Variants in MACROD2 observed in about 807,000 individuals in gnomAD.
The protein encoded by MACROD2 is mono-ADP ribosylhydrolase 2, also known as ADP-ribose glycohydrolase MACROD2.
Under a neutral mutation model 70.4 loss-of-function variants are expected in MACROD2, and 36 were observed. That is an observed-to-expected ratio of 0.51 (90% confidence interval 0.39 to 0.68). MACROD2 has a LOEUF of 0.68. Among genes scored for constraint, MACROD2 ranks in the 30% least tolerant of loss-of-function variants. The pLI is 0.00. For synonymous variants in MACROD2, 172 were observed against 178.8 expected (o/e 0.96, Z 0.30); for missense variants, 496 against 538.4 (o/e 0.92, Z 0.78).
At chr20:15,256,473 A>C (rs1299378123) in intron 6 of MACROD2, among the ~76,000 whole-genome samples, 1 of 152,016 alleles carries the variant, frequency 6.6e-6, no homozygotes, top group Non-Finnish European at 1.5e-5. Context: ...ATTAGTACCT[A>C]AAATAAAGTG....
At chr20:14,209,057 G>T (rs1276535040) in intron 3 of MACROD2, among the ~76,000 whole-genome samples, 3 of 152,204 alleles carry the variant, frequency 2.0e-5, no homozygotes, top group Non-Finnish European at 2.9e-5. Flanking sequence ...ATTGAGTAAG[G>T]ATTATATAGC....
At chr20:14,171,168 A>G (rs776791524) in intron 3 of MACROD2, among the ~76,000 whole-genome samples, 46 of 151,820 alleles carry the variant, frequency 3.0e-4, no homozygotes, top group Non-Finnish European at 5.7e-4. Flanking sequence ...CTTTTTTTGT[A>G]TTTCTGTGGT....
chr20:14,332,794 C>G (rs2082868750), intron 3 of MACROD2, among the ~76,000 whole-genome samples: 1 of 151,994 alleles, frequency 6.6e-6, no homozygotes, highest in South Asian at 2.1e-4. Context: ...GTGAATATTT[C>G]TAGGTAAACT....
chr20:15,254,999 TC>T (rs2077187276), intron 6 of MACROD2, among the ~76,000 whole-genome samples: 1 of 149,728 alleles, frequency 6.7e-6, no homozygotes, highest in South Asian at 2.1e-4. Context: ...TAGTGGTACT[TC>T]AGTTAACTGG....
In MACROD2 at chr20:15,142,903, G is replaced by T. The variant is rs566106128; in HGVS notation, c.419-87037G>T. ...ATATGTGCCACATTTTCTTAATCCA[G>T]TCTATCATTGATGGCCATTTGGGTT... On this transcript the variant is annotated intron_variant, in intron 5 of 17. Coordinates refer to ENST00000684519, the MANE Select transcript of MACROD2 (RefSeq NM_001351661.2). 1.1e-4 allele frequency among the ~76,000 whole-genome samples: 17 copies of T among 152,208 alleles called. No individual in the cohort carries two copies. In the South Asian group the frequency reaches 3.5e-3, roughly 32 times the overall value.
intron 4 of MACROD2, among the ~76,000 whole-genome samples, chr20:14,498,378 ATC>A (rs2084879413): frequency 6.6e-6 from 1 of 152,254 alleles, no homozygotes; most frequent in Non-Finnish European, 1.5e-5. Context: ...CACACCCATC[ATC>A]TGTTTCTAAA....
At chr20:14,285,723 T>G (rs2082338469) in intron 3 of MACROD2, among the ~76,000 whole-genome samples, 1 of 152,162 alleles carries the variant, frequency 6.6e-6, no homozygotes, top group Non-Finnish European at 1.5e-5. Context: ...GATAACTTTA[T>G]TAACCCACCA....
At chr20:15,551,359 C>T (rs976803634) in intron 8 of MACROD2, among the ~76,000 whole-genome samples, 2 of 150,772 alleles carry the variant, frequency 1.3e-5, no homozygotes, top group African/African-American at 4.9e-5. Context: ...AAAACTACAT[C>T]TCTTGTCTTT....
intron 4 of MACROD2, among the ~76,000 whole-genome samples, chr20:14,643,438 TG>T (rs1985201084): frequency 6.6e-6 from 1 of 152,214 alleles, no homozygotes; most frequent in African/African-American, 2.4e-5. Flanking sequence ...CTGGCATTTT[TG>T]TTTACTAGTG....
chr20:15,120,292 GT>G (rs1283830429), intron 5 of MACROD2, among the ~76,000 whole-genome samples: 5 of 152,010 alleles, frequency 3.3e-5, no homozygotes, highest in Non-Finnish European at 5.9e-5. Context: ...ATTCATGCAT[GT>G]GTGCATGTCT....
intron 6 of MACROD2, among the ~76,000 whole-genome samples, chr20:15,263,789 T>TA (rs2077269307): frequency 6.6e-6 from 1 of 152,130 alleles, no homozygotes; most frequent in African/African-American, 2.4e-5. Context: ...ATTTTACTCA[T>TA]GGCTATTAAA....
intron 12 of MACROD2, among the ~76,000 whole-genome samples, chr20:15,942,611 A>G (rs995690384): frequency 1.3e-5 from 2 of 152,220 alleles, no homozygotes; most frequent in Non-Finnish European, 2.9e-5. Flanking sequence ...TAAGTTAACA[A>G]ATATACAAGC....
chr20:14,549,524 G>C (rs1454996078), intron 4 of MACROD2, among the ~76,000 whole-genome samples: 1 of 151,572 alleles, frequency 6.6e-6, no homozygotes, highest in Non-Finnish European at 1.5e-5. Flanking sequence ...GATTATTTTA[G>C]TAATTTTTAT....
intron 8 of MACROD2, among the ~76,000 whole-genome samples, chr20:15,636,093 G>GAAAAAAAAAAAAAAA (rs2049362741): frequency 1.5e-5 from 1 of 64,890 alleles, no homozygotes. Context: ...AAAAAAAAAA[G>GAAAAAAAAAAAAAAA]AAAGAAAAGA....
At chr20:14,727,338 C>T (rs1210416373) in intron 5 of MACROD2, among the ~76,000 whole-genome samples, 6 of 152,044 alleles carry the variant, frequency 3.9e-5, no homozygotes, top group Non-Finnish European at 7.4e-5. Context: ...CAACACCAGC[C>T]TGGGCAACAT....
intron 5 of MACROD2, among the ~76,000 whole-genome samples, chr20:15,050,798 GA>G (rs34982987): frequency 0.16 from 22,718 of 141,238 alleles, 1,806 homozygotes; most frequent in Non-Finnish European, 0.17. Flanking sequence ...GAAGGTATGT[GA>G]AAAAAAAAAA....
chr20:14,146,123 C>T (rs2054939476), intron 3 of MACROD2, among the ~76,000 whole-genome samples: 2 of 152,228 alleles, frequency 1.3e-5, no homozygotes, highest in Non-Finnish European at 1.5e-5. Flanking sequence ...AAGATCGAGA[C>T]CATCCTGGCT....
At chr20:15,503,551 C>T (rs746441968) in intron 8 of MACROD2, among the ~76,000 whole-genome samples, 2 of 152,116 alleles carry the variant, frequency 1.3e-5, no homozygotes, top group Non-Finnish European at 2.9e-5. Context: ...ATCCAAGGGC[C>T]GGAACTAGAG....
intron 5 of MACROD2, among the ~76,000 whole-genome samples, chr20:14,853,595 T>A (rs765372684): frequency 7.2e-5 from 11 of 152,030 alleles, no homozygotes; most frequent in Non-Finnish European, 1.3e-4. Flanking sequence ...TAGGTCACCT[T>A]TCGGTTTCAG....
Sources: allele counts gnomAD v4.1 joint callset (sites outside exome capture counted in the v4.1 genomes callset), GRCh38; gene constraint gnomAD v4.1.1; transcripts MANE v1.5; gene names NCBI Gene and HGNC (gene_info 2026-07-23, HGNC 2026-07-21).